NLGN1: variants seen among roughly 807,000 people sequenced by gnomAD.
NLGN1 encodes the protein neuroligin 1, also known as neuroligin-1.
NLGN1 carries 12 observed loss-of-function variants against 65.5 expected under a neutral mutation model. The ratio of observed to expected loss-of-function variants is 0.18; its 90% CI spans 0.12 to 0.30. NLGN1 has a LOEUF of 0.30. Among genes scored for constraint, NLGN1 ranks in the 10% least tolerant of loss-of-function variants. The pLI, the probability that NLGN1 is intolerant of heterozygous loss-of-function variation, is 1.00. For synonymous variants in NLGN1, 350 were observed against 359.5 expected, an observed-to-expected ratio of 0.97 and a Z score of 0.30; for missense variants, 750 against 1,007.1, an observed-to-expected ratio of 0.74 and a Z score of 3.46.
chr3:173,922,390 TATA>T (rs981787838), intron 4 of NLGN1, among the ~76,000 whole-genome samples: 2 of 152,112 alleles, frequency 1.3e-5, no homozygotes, highest in Non-Finnish European at 2.9e-5. Context: ...GAGAATTATA[TATA>T]ATGTTAACTT....
chr3:173,654,509 A>G (rs931864659), intron 3 of NLGN1, among the ~76,000 whole-genome samples: 6 of 152,146 alleles, frequency 3.9e-5, no homozygotes, highest in Non-Finnish European at 5.9e-5. Flanking sequence ...ATAAGTAAAT[A>G]GAAGGAGAAA....
intron 4 of NLGN1, among the ~76,000 whole-genome samples, chr3:173,862,203 C>T (rs1218372423): frequency 6.6e-6 from 1 of 151,840 alleles, no homozygotes; most frequent in African/African-American, 2.4e-5. Context: ...TCTACATGTG[C>T]TGATATGGAA....
intron 4 of NLGN1, among the ~76,000 whole-genome samples, chr3:174,011,152 A>T (rs1307622496): frequency 6.6e-6 from 1 of 152,230 alleles, no homozygotes; most frequent in Non-Finnish European, 1.5e-5. Context: ...ACATACTTTT[A>T]TTAACTCTGT....
chr3:173,653,052 G>A (rs1338988557), intron 3 of NLGN1, among the ~76,000 whole-genome samples: 2 of 152,010 alleles, frequency 1.3e-5, no homozygotes, highest in Non-Finnish European at 2.9e-5. Context: ...ATTGTTGTTA[G>A]TGTATAAAAA....
chr3:173,418,711 T>G (rs566730325), intron 1 of NLGN1, among the ~76,000 whole-genome samples: 49 of 152,346 alleles, frequency 3.2e-4, no homozygotes, highest in Admixed American at 8.5e-4. Context: ...TAGATCTTTG[T>G]TACTGTTTCT....
intron 4 of NLGN1, among the ~76,000 whole-genome samples, chr3:173,964,525 A>G (rs1408884825): frequency 1.3e-5 from 2 of 152,182 alleles, no homozygotes; most frequent in African/African-American, 4.8e-5. Flanking sequence ...TCAAGCTTAT[A>G]CTTTCTGGTG....
chr3:173,728,530 T>C (rs563392465), intron 3 of NLGN1, among the ~76,000 whole-genome samples: 11 of 152,112 alleles, frequency 7.2e-5, no homozygotes, highest in African/African-American at 2.6e-4. Context: ...CTCCAACAAT[T>C]CATGTCAACC....
At chr3:174,016,934 G>A (rs1247929036) in intron 4 of NLGN1, among the ~76,000 whole-genome samples, 1 of 152,066 alleles carries the variant, frequency 6.6e-6, no homozygotes, top group African/African-American at 2.4e-5. Context: ...AGAAGGGAAA[G>A]ATGAAAGAGA....
chr3:173,671,508 G>C (rs112546288), intron 3 of NLGN1, among the ~76,000 whole-genome samples: 16 of 152,080 alleles, frequency 1.1e-4, no homozygotes, highest in African/African-American at 3.1e-4. Flanking sequence ...ACCTTAACAT[G>C]GTTAACCACA....
chr3:173,982,529 G>A (rs1051038389), intron 4 of NLGN1, among the ~76,000 whole-genome samples: 4 of 152,016 alleles, frequency 2.6e-5, no homozygotes, highest in African/African-American at 4.8e-5. Context: ...AGTATATCAC[G>A]GACGTAATAA....
intron 4 of NLGN1, among the ~76,000 whole-genome samples, chr3:173,876,655 A>C (rs1360512620): frequency 1.3e-5 from 2 of 152,156 alleles, no homozygotes; most frequent in African/African-American, 4.8e-5. Context: ...ATGTGCTAAA[A>C]GAGAAAAATG....
intron 4 of NLGN1, among the ~76,000 whole-genome samples, chr3:174,165,640 G>A (rs564819783): frequency 5.7e-4 from 87 of 151,994 alleles, no homozygotes; most frequent in Non-Finnish European, 8.2e-4. Flanking sequence ...GCCTATCGGG[G>A]ATATTGGCCT....
chr3:174,110,239 T>TTCCCTGTAGA (rs955619468), intron 4 of NLGN1, among the ~76,000 whole-genome samples: 2 of 152,022 alleles, frequency 1.3e-5, no homozygotes, highest in African/African-American at 4.8e-5. Flanking sequence ...TGTGCTACAT[T>TTCCCTGTAGA]TCCCTGTAGA....
rs147949500 is a variant in NLGN1, at chr3:173,623,520, G to A, written c.493+18429G>A. 1.2e-4 allele frequency among the ~76,000 whole-genome samples: 18 copies of A among 152,186 alleles called. No homozygotes were observed. The East Asian group carries it at 3.3e-3, about 28-fold the overall frequency. Reference sequence around the variant, plus strand: ...AGGTCACTATGGAAGGAGAGAATGTGTACCAACAAGAGAGAATAGCATGGG... The same window carrying A: ...AGGTCACTATGGAAGGAGAGAATGTATACCAACAAGAGAGAATAGCATGGG... On this transcript the variant is annotated intron_variant, in intron 3 of 6. Coordinates refer to ENST00000457714, the Ensembl canonical transcript of NLGN1.
At chr3:174,045,742 A>C (rs1476113731) in intron 4 of NLGN1, among the ~76,000 whole-genome samples, 1 of 152,154 alleles carries the variant, frequency 6.6e-6, no homozygotes, top group Non-Finnish European at 1.5e-5. Flanking sequence ...TTAATGACTT[A>C]TGTTTTTATT....
intron 4 of NLGN1, among the ~76,000 whole-genome samples, chr3:174,077,250 A>G (rs1483470977): frequency 6.6e-6 from 1 of 152,102 alleles, no homozygotes; most frequent in Non-Finnish European, 1.5e-5. Flanking sequence ...GTGGGAGGAA[A>G]TGAAGCATTA....
chr3:173,823,411 G>GA (rs1251230787), intron 4 of NLGN1, among the ~76,000 whole-genome samples: 4 of 151,920 alleles, frequency 2.6e-5, no homozygotes, highest in Non-Finnish European at 5.9e-5. Flanking sequence ...ATTTCTAAAT[G>GA]AAGTCAACAT....
At chr3:173,604,978 C>G in exon 3 of NLGN1, 1 of 1,613,628 alleles carries the variant, frequency 6.2e-7, no homozygotes, top group Non-Finnish European at 8.5e-7. Context: ...GGCAGATTGC[C>G]AGAAGTCATG....
At chr3:174,092,552 G>A (rs948088222) in intron 4 of NLGN1, among the ~76,000 whole-genome samples, 8 of 151,702 alleles carry the variant, frequency 5.3e-5, no homozygotes, top group Non-Finnish European at 1.2e-4. Flanking sequence ...ACCAGTGATG[G>A]CATTCTGTTT....
Sources: gnomAD v4.1 joint callset for allele counts (sites outside exome capture counted in the v4.1 genomes callset) on GRCh38, gnomAD v4.1.1 for gene constraint, MANE v1.5 for transcripts, NCBI Gene and HGNC (gene_info 2026-07-23, HGNC 2026-07-21) for gene names.